SYNE2: variants seen among roughly 807,000 people sequenced by gnomAD.
SYNE2 encodes the protein nesprin-2.
A neutral mutation model predicts 856.3 loss-of-function variants in SYNE2; 431 were observed. That is an observed-to-expected ratio of 0.50 (90% CI 0.47 to 0.55). The LOEUF is 0.55. Among genes scored for constraint, SYNE2 ranks in the 20% least tolerant of loss-of-function variants. The probability of loss-of-function intolerance (pLI) is 0.00; values close to 1 mark genes in which losing one functional copy is unlikely to be tolerated. For synonymous variants in SYNE2, 2,923 were observed against 2,872.3 expected, an observed-to-expected ratio of 1.02 and a Z score of -0.56; for missense variants, 8,129 against 8,023.2, an observed-to-expected ratio of 1.01 and a Z score of -0.50.
intron 96 of SYNE2, among the ~76,000 whole-genome samples, chr14:64,185,519 C>CTTTTTTTTTTTTTT (rs66490444): frequency 5.2e-5 from 4 of 77,468 alleles, no homozygotes; most frequent in Non-Finnish European, 7.1e-5. Context: ...TTTTCTTTTT[C>CTTTTTTTTTTTTTT]TTTTTTTTTT....
chr14:64,193,790 C>A (rs1451259704), intron 99 of SYNE2, among the ~76,000 whole-genome samples: 3 of 152,118 alleles, frequency 2.0e-5, no homozygotes, highest in Non-Finnish European at 4.4e-5. Flanking sequence ...GAGAGGAAAC[C>A]AACATTGCTT....
rs1199750514 is a variant in SYNE2 at position 63,997,174 on chromosome 14, G to A, written c.3152+16G>A. ...CGAAAAACGAGTTAGTACTTCATAAGAATAGCTACCCTTCAGGATAAAACG... is the reference window on the plus strand; with the variant it reads ...CGAAAAACGAGTTAGTACTTCATAAAAATAGCTACCCTTCAGGATAAAACG... On this transcript the variant is annotated intron_variant, in intron 24 of 115. Transcript: ENST00000555002. The A allele has an allele frequency of 6.2e-7, 1 of 1,609,920 alleles. No individual in the cohort carries two copies. The highest frequency in any genetic ancestry group is 1.7e-5 in the Admixed American group (1 of 59,916).
chr14:64,080,748 G>T lies in SYNE2; in HGVS notation c.11346+110G>T, dbSNP rs1475402748. 5.1e-6 allele frequency: 7 copies of T among 1,385,628 alleles called. No individual in the cohort carries two copies. The Admixed American group carries it at 7.2e-5, about 14-fold the overall frequency. 85.8% of individuals were successfully genotyped at this position (1,385,628 alleles called of 1,614,324 possible). Reference sequence around the variant, plus strand: ...AGTTTCTGTTGAATTATCAGTTTTGGACTTGAAGCTGGGGCCATGGTAGGC... The same window carrying T: ...AGTTTCTGTTGAATTATCAGTTTTGTACTTGAAGCTGGGGCCATGGTAGGC... On this transcript the variant is annotated intron_variant, in intron 56 of 115. Transcript: ENST00000555002.
chr14:63,802,402 C>T (rs952353239), intron 1 of SYNE2, among the ~76,000 whole-genome samples: 4 of 151,960 alleles, frequency 2.6e-5, no homozygotes, highest in Admixed American at 6.6e-5. Context: ...CCACTACATC[C>T]GGCCACAGAC....
chr14:64,202,650 A>G, intron 99 of SYNE2, 151 bp from the exon 100 acceptor site: 2 of 931,078 alleles, frequency 2.1e-6, no homozygotes, highest in East Asian at 2.6e-5. Context: ...GTGACATGAG[A>G]GTTGTTCTGA....
Position 64,051,691 on chromosome 14 carries a change from A to C in SYNE2, c.7778A>C (p.Lys2593Thr), listed in dbSNP as rs1414763740. ...TCAAACCACGTGACTGACATGGATA[A>C]GAAATTGTTGGAAAGCCAGATTAAG... ...NLSNHVTDMDKKLLESQIKQL... is the reference protein window; with the variant it reads ...NLSNHVTDMDTKLLESQIKQL... The change falls in exon 48 of 116, where the codon AAG becomes ACG. Residue 2593 changes from lysine to threonine, a missense_variant. Physicochemically the swap from Lys to Thr is moderately conservative, Grantham distance 78 (BLOSUM62 -1). Around this residue, in one of 3 missense-constraint regions of SYNE2, gnomAD observed 5,410 missense variants for 5,284.8 expected, o/e 1.02. Coordinates refer to ENST00000555002, the MANE Select transcript of SYNE2 (RefSeq NM_182914.3). 1 of 1,614,254 alleles carries C rather than the reference A, an allele frequency of 6.2e-7. No homozygotes were observed. The highest frequency in any genetic ancestry group is 2.2e-5 in the East Asian group (1 of 44,890).
At chr14:64,145,891 G>A (rs2098181404) in intron 83 of SYNE2, among the ~76,000 whole-genome samples, 177 bp from the exon 84 acceptor site, 1 of 152,156 alleles carries the variant, frequency 6.6e-6, no homozygotes, top group Admixed American at 6.5e-5. Flanking sequence ...CCTAAGAGGA[G>A]CTTTAACTCT....
intron 1 of SYNE2, among the ~76,000 whole-genome samples, chr14:63,827,303 T>C (rs1245181361): frequency 7.1e-5 from 10 of 140,896 alleles, no homozygotes; most frequent in Admixed American, 5.8e-4. Flanking sequence ...TTATTGCAAC[T>C]CAACTACAAC....
Position 64,119,586 on chromosome 14 carries a change from C to G in SYNE2, c.13000C>G (p.Gln4334Glu), listed in dbSNP as rs374108464. Residue 4334 changes from glutamine to glutamate, a missense_variant, in exon 67 of 116, where the codon CAG (glutamine) becomes GAG (glutamate). Physicochemically the swap from Gln to Glu is conservative, Grantham distance 29. This residue lies in a region of SYNE2 where 5,410 missense variants were observed against 5,284.8 expected (regional missense o/e 1.02). Coordinates refer to ENST00000555002, the MANE Select transcript of SYNE2 (RefSeq NM_182914.3). ...TTTAGAAAAAGTCCAGATGATGCTT[C>G]AGGAGAAGCACAGTGAAGATCAGGT... is the stretch of plus-strand genomic sequence containing the variant. ...CNLEKVQMML[Q>E]EKHSEDQHPT... 3.0e-5 allele frequency: 48 copies of G among 1,614,028 alleles called. No individual in the cohort carries two copies. In the Middle Eastern group the frequency reaches 6.6e-4, roughly 22 times the overall value.
chr14:63,965,448 G>C (rs1176349474), intron 10 of SYNE2, among the ~76,000 whole-genome samples: 1 of 152,228 alleles, frequency 6.6e-6, no homozygotes, highest in African/African-American at 2.4e-5. Flanking sequence ...AAGCCCAGCT[G>C]TTTTTACGTT....
intron 1 of SYNE2, among the ~76,000 whole-genome samples, chr14:63,868,388 T>C (rs1005204278): frequency 6.6e-6 from 1 of 151,168 alleles, no homozygotes; most frequent in Non-Finnish European, 1.5e-5. Flanking sequence ...TGTGAGAGGA[T>C]TGTTTCAGCT....
intron 99 of SYNE2, among the ~76,000 whole-genome samples, chr14:64,200,268 G>A (rs952827908): frequency 3.9e-5 from 6 of 152,304 alleles, no homozygotes; most frequent in Middle Eastern, 6.8e-3. Context: ...GATGAAGGCC[G>A]TGGGAGATTT....
At chr14:63,888,129 T>C (rs758732719) in intron 1 of SYNE2, among the ~76,000 whole-genome samples, 6 of 152,192 alleles carry the variant, frequency 3.9e-5, no homozygotes, top group Non-Finnish European at 5.9e-5. Flanking sequence ...TCCACCCTTA[T>C]GTTATGGATG....
chr14:63,907,867 C>G (rs2095427034), intron 1 of SYNE2, among the ~76,000 whole-genome samples: 2 of 152,162 alleles, frequency 1.3e-5, no homozygotes, highest in African/African-American at 4.8e-5. Context: ...TCTTTTACCT[C>G]AGGCTGGTTG....
intron 105 of SYNE2, among the ~76,000 whole-genome samples, chr14:64,213,262 C>A (rs1250274613): frequency 6.6e-6 from 1 of 152,222 alleles, no homozygotes; most frequent in Non-Finnish European, 1.5e-5. Context: ...TTTAAGTATT[C>A]CTCAGGGCTG....
intron 1 of SYNE2, among the ~76,000 whole-genome samples, chr14:63,841,595 C>A (rs933779444): frequency 1.3e-5 from 2 of 152,108 alleles, no homozygotes; most frequent in Non-Finnish European, 1.5e-5. Flanking sequence ...GGAGCTGAAC[C>A]ATTTTGCACT....
intron 2 of SYNE2, among the ~76,000 whole-genome samples, chr14:63,930,075 A>G (rs781087409): frequency 4.6e-5 from 7 of 152,138 alleles, no homozygotes; most frequent in South Asian, 2.1e-4. Context: ...GCTTGAGGCC[A>G]GGATTTCGAG....
At chr14:63,953,598 A>G (rs552839702) in intron 7 of SYNE2, among the ~76,000 whole-genome samples, 48 of 152,356 alleles carry the variant, frequency 3.2e-4, no homozygotes, top group African/African-American at 1.1e-3. Flanking sequence ...TAAAATATAC[A>G]TAACTTAAAA....
At chr14:64,017,107 A>T (rs2096897797) in intron 33 of SYNE2, among the ~76,000 whole-genome samples, 1 of 152,054 alleles carries the variant, frequency 6.6e-6, no homozygotes, top group African/African-American at 2.4e-5. Flanking sequence ...AGACGGGTGA[A>T]TCACCTGAGG....
Sources: gnomAD v4.1 joint callset for allele counts (sites outside exome capture counted in the v4.1 genomes callset) on GRCh38, gnomAD v4.1.1 for gene constraint, gnomAD v4.1.1 regional missense constraint, MANE v1.5 for transcripts, NCBI Gene and HGNC (gene_info 2026-07-23, HGNC 2026-07-21) for gene names.